LSM2: variants seen among roughly 807,000 people sequenced by gnomAD.
LSM2 encodes U6 snRNA-associated Sm-like protein LSm2.
A neutral mutation model predicts 17.0 loss-of-function variants in LSM2; 12 were observed. The observed-to-expected ratio is 0.70, with a 90% CI of 0.45 to 1.14. LSM2 has a LOEUF of 1.14. Ranked by LOEUF, LSM2 falls within the 50% of genes most tolerant of loss-of-function variation. LSM2 has a pLI of 0.00. For missense variants in LSM2, 62 were observed against 111.8 expected (o/e 0.55, Z 2.01); for synonymous variants, 42 against 44.5 (o/e 0.94, Z 0.22).
At position 31,797,892 on chromosome 6, in the gene LSM2, G is replaced by A; in HGVS notation, c.163-10C>T. The A allele has an allele frequency of 6.2e-7, 1 of 1,612,934 alleles. No homozygotes were observed. Among genetic ancestry groups the A allele is most frequent in the East Asian group, 2.2e-5 (1 of 44,878 alleles). On this transcript the variant is annotated splice_polypyrimidine_tract_variant and intron_variant, in intron 4 of 4. Coordinates refer to ENST00000375661, the MANE Select transcript of LSM2 (RefSeq NM_021177.5). The stretch of plus-strand genomic sequence containing the variant: ...AGTTCTTCACTGATAACTAGACAAA[G>A]ATGGACAAATATGAAAACACCCTTA...
At chr6:31,804,092 G>C (rs916317889) in intron 2 of LSM2, among the ~76,000 whole-genome samples, 27 of 152,272 alleles carry the variant, frequency 1.8e-4, no homozygotes, top group Admixed American at 1.5e-3. Flanking sequence ...ACTAGGCGCA[G>C]TGGCTCACGC....
At chr6:31,800,268 G>A (rs1051791349) in intron 2 of LSM2, among the ~76,000 whole-genome samples, 13 of 152,052 alleles carry the variant, frequency 8.5e-5, no homozygotes, top group African/African-American at 2.9e-4. Flanking sequence ...CCCGGGAGGT[G>A]GAGGTTGTAG....
Position 31,806,784 on chromosome 6 carries a change from GGA to G in LSM2, c.-29_-28del. ...GTGCTGGCGCCGCGGGCAGCGGGCC[GGA>G]CCGGGAAGACAGCAGGGTGCTGCGA... On this transcript the variant is annotated 5_prime_UTR_variant, in exon 1 of 5. Transcript: ENST00000375661. 6.2e-7 allele frequency: 1 copy of G among 1,607,748 alleles called. No homozygotes were observed. Among genetic ancestry groups the G allele is most frequent in the Non-Finnish European group, 8.5e-7 (1 of 1,178,064 alleles).
chr6:31,804,321 T>C (rs569991291), intron 2 of LSM2, among the ~76,000 whole-genome samples: 48 of 151,010 alleles, frequency 3.2e-4, no homozygotes, highest in Non-Finnish European at 4.7e-4. Flanking sequence ...GATTACGCCA[T>C]TGCAGTCCAG....
chr6:31,805,472 C>T (rs1031561132), intron 2 of LSM2, among the ~76,000 whole-genome samples: 1 of 151,622 alleles, frequency 6.6e-6, no homozygotes, highest in Admixed American at 6.6e-5. Flanking sequence ...TCAAGCGATT[C>T]TCCTGCCTCA....
At chr6:31,806,506 G>A (rs1815045718) in intron 1 of LSM2, 4 of 632,564 alleles carry the variant, frequency 6.3e-6, no homozygotes, top group South Asian at 3.8e-5. Context: ...AGTGCTCTGA[G>A]GTCTAACTTT....
In LSM2 at chr6:31,797,799, T is replaced by C; in HGVS notation, c.246A>G (p.Leu82=). The C allele has an allele frequency of 6.2e-7, 1 of 1,613,066 alleles. No individual in the cohort carries two copies. The highest frequency in any genetic ancestry group is 8.5e-7 in the Non-Finnish European group (1 of 1,180,024). The change falls in exon 5 of 5, where the codon CTA becomes CTG. Residue 82 remains leucine (L), a synonymous_variant. Transcript: ENST00000375661. ...GGGCTTCCTTCCTTGCCGCATCCTGTAGCAACTGTGTGTCGACCTCATCTG... is the reference window on the plus strand; with the variant it reads ...GGGCTTCCTTCCTTGCCGCATCCTGCAGCAACTGTGTGTCGACCTCATCTG... ...LPADEVDTQL[L]QDAARKEALQ...
At chr6:31,803,642 C>T (rs1272717471) in intron 2 of LSM2, among the ~76,000 whole-genome samples, 3 of 151,374 alleles carry the variant, frequency 2.0e-5, no homozygotes. Flanking sequence ...GTGCAGTGGC[C>T]TGATCTCAGC....
chr6:31,801,442 A>C (rs1814694813), intron 2 of LSM2, among the ~76,000 whole-genome samples: 1 of 152,192 alleles, frequency 6.6e-6, no homozygotes, highest in Non-Finnish European at 1.5e-5. Flanking sequence ...TCATTTTATT[A>C]AGTCCCTTAA....
At chr6:31,798,328 T>C in intron 3 of LSM2, 149 bp downstream of exon 3, 1 of 921,156 alleles carries the variant, frequency 1.1e-6, no homozygotes, top group Admixed American at 2.6e-5. Flanking sequence ...GGCCTCGGCC[T>C]CTCAAAGTGC....
chr6:31,806,710 T>C (rs1273908510), intron 1 of LSM2, 45 bp downstream of exon 1: 6 of 1,605,344 alleles, frequency 3.7e-6, no homozygotes, highest in South Asian at 1.1e-5. Context: ...GCCCCAACCA[T>C]GCGAGGTCCC....
chr6:31,803,245 A>C (rs1814821701), intron 2 of LSM2, among the ~76,000 whole-genome samples: 1 of 152,178 alleles, frequency 6.6e-6, no homozygotes, highest in South Asian at 2.1e-4. Context: ...AATGTGGAAG[A>C]CAGCCAGACA....
intron 2 of LSM2, chr6:31,802,819 A>AGGAGAAT (rs1298087575): frequency 6.6e-6 from 1 of 152,340 alleles, no homozygotes; most frequent in Non-Finnish European, 1.5e-5. Context: ...AGGCTGAGGC[A>AGGAGAAT]GGAGAATCAC....
chr6:31,806,917 C>T lies in LSM2; in HGVS notation c.-160G>A, dbSNP rs1243803495. The T allele has an allele frequency of 1.7e-5, 17 of 980,314 alleles. No homozygotes were observed. Among genetic ancestry groups the T allele is most frequent in the Non-Finnish European group, 2.2e-5 (15 of 682,998 alleles). 60.7% of individuals were successfully genotyped at this position (980,314 alleles called of 1,614,324 possible). ...AAGCTCCAAGCGCTGACGGGCAAAG[C>T]GCGGCCGACTTGCGGCTGGGGAGCG... On this transcript the variant is annotated 5_prime_UTR_variant, in exon 1 of 5. Coordinates refer to ENST00000375661, the MANE Select transcript of LSM2 (RefSeq NM_021177.5).
At chr6:31,798,081 A>T (rs764629226) in intron 3 of LSM2, 32 bp from the exon 4 acceptor site, 515 of 1,446,780 alleles carry the variant, frequency 3.6e-4, no homozygotes, top group Admixed American at 1.3e-3. Context: ...CATTATTATT[A>T]TTATTTTTTT....
At chr6:31,801,842 G>T (rs1258236991) in intron 2 of LSM2, among the ~76,000 whole-genome samples, 1 of 151,656 alleles carries the variant, frequency 6.6e-6, no homozygotes, top group Non-Finnish European at 1.5e-5. Context: ...CAACAGAAAA[G>T]TCACTTTAAA....
intron 2 of LSM2, among the ~76,000 whole-genome samples, chr6:31,805,275 G>C (rs969967609): frequency 3.4e-5 from 5 of 148,098 alleles, no homozygotes; most frequent in African/African-American, 1.3e-4. Flanking sequence ...GCCCAGACTA[G>C]TCTCGACATC....
chr6:31,801,391 T>C (rs1814692883), intron 2 of LSM2, among the ~76,000 whole-genome samples: 2 of 152,114 alleles, frequency 1.3e-5, no homozygotes, highest in South Asian at 4.1e-4. Context: ...CCCCACCATC[T>C]CCAGCAGTGA....
At chr6:31,806,342 T>C (rs1815034214) in intron 1 of LSM2, 200 bp from the exon 2 acceptor site, 1 of 612,618 alleles carries the variant, frequency 1.6e-6, no homozygotes, top group Non-Finnish European at 2.9e-6. Context: ...ACTGAGCCCA[T>C]CACTTAAAGT....
Sources: gnomAD v4.1 joint callset for allele counts (sites outside exome capture counted in the v4.1 genomes callset) on GRCh38, gnomAD v4.1.1 for gene constraint, MANE v1.5 for transcripts, NCBI Gene and HGNC (gene_info 2026-07-23, HGNC 2026-07-21) for gene names.